PHRF1: variants seen among roughly 807,000 people sequenced by gnomAD.
PHRF1 encodes PHD and RING finger domain-containing protein 1.
PHRF1 carries 53 observed loss-of-function variants against 128.9 expected under a neutral mutation model. The ratio of observed to expected loss-of-function variants is 0.41; its 90% confidence interval spans 0.33 to 0.52. PHRF1 has a LOEUF of 0.52. PHRF1 is among the 20% of genes least tolerant of loss of function. PHRF1 has a pLI of 0.21. For synonymous variants in PHRF1, 1,178 were observed against 980.6 expected (o/e 1.20, Z -3.76); for missense variants, 2,503 against 2,284.5 (o/e 1.10, Z -1.95).
At chr11:602,808 G>A (rs1282929739) in intron 10 of PHRF1, among the ~76,000 whole-genome samples, 2 of 147,696 alleles carry the variant, frequency 1.4e-5, no homozygotes, top group South Asian at 2.2e-4. Flanking sequence ...CTGTCCCCAC[G>A]CTGGAGTGTA....
chr11:600,250 A>G (rs551347480), intron 9 of PHRF1, among the ~76,000 whole-genome samples: 2 of 144,118 alleles, frequency 1.4e-5, no homozygotes, highest in South Asian at 4.4e-4. Flanking sequence ...CATTATTTTT[A>G]TTCCTTTTTT....
At chr11:592,798 A>G (rs1001301652) in intron 6 of PHRF1, 124 bp downstream of exon 6, 8 of 1,053,312 alleles carry the variant, frequency 7.6e-6, no homozygotes, top group Non-Finnish European at 1.1e-5. Context: ...TGTGCTCACC[A>G]CCCTCAGCAG....
rs778557850 is a variant in PHRF1 at position 609,560 on chromosome 11, G to A, written c.4104G>A (p.Lys1368=). ...PSSPDVAPAG[K]EDSPSASGRV... is the part of the protein sequence containing the mutation. ...CCCCGGATGTGGCGCCTGCGGGGAA[G>A]GAAGACAGCCCCTCTGCGAGTGGGA... Residue 1368 remains lysine (K), a synonymous_variant, in exon 14 of 18, where the codon AAG becomes AAA. Transcript: ENST00000264555. The A allele has an allele frequency of 1.3e-6, 2 of 1,599,810 alleles. No individual in the cohort carries two copies. The highest frequency in any genetic ancestry group is 2.3e-5 in the East Asian group (1 of 44,386).
At chr11:591,929 T>TC (rs1309929051) in intron 5 of PHRF1, among the ~76,000 whole-genome samples, 3 of 146,666 alleles carry the variant, frequency 2.0e-5, no homozygotes, top group African/African-American at 5.3e-5. Flanking sequence ...TTTTTTTTTT[T>TC]CCCGAGACAA....
intron 1 of PHRF1, among the ~76,000 whole-genome samples, chr11:579,491 C>T (rs1486053547): frequency 6.6e-6 from 1 of 152,186 alleles, no homozygotes; most frequent in African/African-American, 2.4e-5. Context: ...GTCCTCTTAT[C>T]TGAGAGCTGT....
chr11:598,528 C>T (rs201648834), intron 9 of PHRF1, 26 bp downstream of exon 9: 146 of 1,598,344 alleles, frequency 9.1e-5, no homozygotes, highest in South Asian at 8.9e-4. Flanking sequence ...TGGACTCTCC[C>T]GCCAGCCACA....
In PHRF1 at chr11:603,995, G is replaced by A. The variant is rs530282490; in HGVS notation, c.1153-1124G>A. Among the ~76,000 whole-genome samples, 3 of 152,258 alleles carry A rather than the reference G, an allele frequency of 2.0e-5. No homozygotes were observed. The South Asian group carries it at 6.2e-4, about 32-fold the overall frequency. ...TGGGATTCCAGGTGTGAGCCACCAT[G>A]CCTGGCCCTCTTATTTTAGTTTTAA... On this transcript the variant is annotated intron_variant, in intron 10 of 17. Transcript: ENST00000264555.
chr11:580,198 C>T (rs1854124302), intron 1 of PHRF1, among the ~76,000 whole-genome samples: 1 of 152,212 alleles, frequency 6.6e-6, no homozygotes, highest in South Asian at 2.1e-4. Context: ...GCCTTTCCTC[C>T]GAGAGTCGCC....
At chr11:584,343 T>G (rs1317641813) in intron 3 of PHRF1, among the ~76,000 whole-genome samples, 1 of 152,156 alleles carries the variant, frequency 6.6e-6, no homozygotes, top group East Asian at 1.9e-4. Flanking sequence ...TGCCAGAGAC[T>G]CTGGGTTGGG....
chr11:577,322 C>G (rs1414546228), intron 1 of PHRF1, among the ~76,000 whole-genome samples: 1 of 152,214 alleles, frequency 6.6e-6, no homozygotes, highest in African/African-American at 2.4e-5. Context: ...CTTGTGTTGC[C>G]CCTTCTTCGG....
chr11:578,839 C>T (rs1414616351), intron 1 of PHRF1, among the ~76,000 whole-genome samples: 1 of 152,170 alleles, frequency 6.6e-6, no homozygotes, highest in East Asian at 1.9e-4. Flanking sequence ...GCATGAGCCA[C>T]CACGCCCGGC....
chr11:577,327 C>T lies in PHRF1; in HGVS notation c.-22+735C>T, dbSNP rs771117135. On this transcript the variant is annotated intron_variant, in intron 1 of 17. Coordinates refer to ENST00000264555, the MANE Select transcript of PHRF1 (RefSeq NM_001286581.2). ...TTTGACGGGGCTTGTGTTGCCCCTT[C>T]TTCGGAGTTTATGTGCTTTACTTGT... 4.6e-5 allele frequency among the ~76,000 whole-genome samples: 7 copies of T among 152,234 alleles called. No individual in the cohort carries two copies. In the East Asian group the frequency reaches 5.8e-4, roughly 13 times the overall value.
At chr11:600,493 AATATATATAT>A (rs35825045) in intron 9 of PHRF1, among the ~76,000 whole-genome samples, 39 of 129,334 alleles carry the variant, frequency 3.0e-4, no homozygotes, top group African/African-American at 1.2e-3. Context: ...TGTCTCCAAA[AATATATATAT>A]ATATATATAT....
intron 6 of PHRF1, 135 bp downstream of exon 6, chr11:592,809 C>T (rs1447835013): frequency 1.4e-5 from 13 of 930,088 alleles, no homozygotes; most frequent in African/African-American, 6.5e-5. Context: ...CCCTCAGCAG[C>T]GCGGTTCAGT....
chr11:609,916 G>A (rs1331024501), intron 14 of PHRF1, among the ~76,000 whole-genome samples, 196 bp downstream of exon 14: 1 of 152,206 alleles, frequency 6.6e-6, no homozygotes, highest in Non-Finnish European at 1.5e-5. Context: ...GGGCCCCTGA[G>A]TGAGTAGGGC....
intron 1 of PHRF1, among the ~76,000 whole-genome samples, chr11:578,271 C>T (rs988789050): frequency 2.6e-5 from 4 of 152,244 alleles, no homozygotes; most frequent in Admixed American, 2.6e-4. Flanking sequence ...GCAAAATAGC[C>T]CCTGGTTACT....
rs1854190332 is a variant in PHRF1 at position 581,342 on chromosome 11, C to G, written c.-21-150C>G. On this transcript the variant is annotated intron_variant, in intron 1 of 17. Transcript: ENST00000264555. ...TGTGGGGATACTGCTGAGAGTTGTT[C>G]TGTGGGTGATATCTCAGGGCTCACT... is the stretch of plus-strand genomic sequence containing the variant. The G allele has an allele frequency of 9.4e-6, 6 of 641,104 alleles. No homozygotes were observed. The East Asian group carries it at 1.4e-4, about 15-fold the overall frequency. 39.7% of individuals were successfully genotyped at this position (641,104 alleles called of 1,614,324 possible).
At chr11:594,049 C>A (rs944386928) in intron 6 of PHRF1, among the ~76,000 whole-genome samples, 2 of 152,130 alleles carry the variant, frequency 1.3e-5, no homozygotes, top group Non-Finnish European at 2.9e-5. Flanking sequence ...CAGCCCTGGG[C>A]ACAGTGCTTA....
intron 14 of PHRF1, 117 bp downstream of exon 14, chr11:609,837 C>T: frequency 1.4e-6 from 1 of 697,986 alleles, no homozygotes; most frequent in Non-Finnish European, 2.3e-6. Context: ...GGACAGAGCC[C>T]CCCGTGAGTA....
Sources: allele counts gnomAD v4.1 joint callset (sites outside exome capture counted in the v4.1 genomes callset), GRCh38; gene constraint gnomAD v4.1.1; transcripts MANE v1.5; gene names NCBI Gene and HGNC (gene_info 2026-07-23, HGNC 2026-07-21).